The following HECTD4 variants were observed in gnomAD, a reference collection of about 807,000 sequenced individuals.
The protein encoded by HECTD4 is HECT domain E3 ubiquitin protein ligase 4.
A neutral mutation model predicts 471.5 loss-of-function variants in HECTD4; 114 were observed. The observed-to-expected ratio is 0.24, with a 90% CI of 0.21 to 0.28. The LOEUF is 0.28. HECTD4 is among the 10% of genes least tolerant of loss of function. The pLI is 1.00. For missense variants in HECTD4, 3,866 were observed against 5,651.5 expected, an observed-to-expected ratio of 0.68 and a Z score of 10.13; for synonymous variants, 2,012 against 2,256.0, an observed-to-expected ratio of 0.89 and a Z score of 3.07.
chr12:112,376,716 C>A (rs1174895990), intron 1 of HECTD4, among the ~76,000 whole-genome samples: 4 of 152,168 alleles, frequency 2.6e-5, no homozygotes, highest in Non-Finnish European at 5.9e-5. Flanking sequence ...CTCTTGCTGT[C>A]GTCTCTGTAT....
Position 112,382,315 on chromosome 12 carries a change from A to T in HECTD4, c.-187T>A. 1 of 444,102 alleles carries T rather than the reference A, an allele frequency of 2.3e-6. No individual in the cohort carries two copies. Among genetic ancestry groups the T allele is most frequent in the Non-Finnish European group, 3.5e-6 (1 of 288,046 alleles). The allele number at this position is 444,102 out of a possible 1,614,324, so 27.5% of individuals were successfully genotyped here. ...GCCATACCCCCGACCCCGGCCCGGG[A>T]GACCCCGGCCCTGCCGCCGCCGCCG... On this transcript the variant is annotated 5_prime_UTR_variant, in exon 1 of 76. Coordinates refer to ENST00000682272, the MANE Select transcript of HECTD4 (RefSeq NM_001388303.1).
rs2033678658 is a variant in HECTD4 at position 112,243,062 on chromosome 12, CA to C, written c.4958+290del. ...AATTAAGTTGAAAAAAATTTACACA[CA>C]AACACAGTTATGTGTACAAAAAGAA... On this transcript the variant is annotated intron_variant, in intron 32 of 75. Transcript: ENST00000682272. This position sits in a 1 kb window ranked among gnomAD's most constrained non-coding sequence, Gnocchi z 6.6. 6.6e-6 allele frequency among the ~76,000 whole-genome samples: 1 copy of C among 152,144 alleles called. No individual in the cohort carries two copies. The highest frequency in any genetic ancestry group is 2.4e-5 in the African/African-American group (1 of 41,426).
Position 112,208,507 on chromosome 12 carries a change from T to C in HECTD4, c.7991A>G (p.Asp2664Gly). 1 of 1,594,082 alleles carries C rather than the reference T, an allele frequency of 6.3e-7. No homozygotes were observed. ...ADDESDDDDD[D>G]DIPQEDHYAL... ...TGGGTCTCTTACCTGAGGGATGTCA[T>C]CATCGTCATCATCATCGCTTTCATC... Residue 2664 changes from aspartate to glycine, a missense_variant, in exon 51 of 76, where the codon GAT becomes GGT. Around this residue, in one of 16 missense-constraint regions of HECTD4, gnomAD observed 266 missense variants for 441.6 expected, o/e 0.60. Coordinates refer to ENST00000682272, the MANE Select transcript of HECTD4 (RefSeq NM_001388303.1).
chr12:112,207,323 A>G (rs1801474725), intron 52 of HECTD4, among the ~76,000 whole-genome samples: 1 of 152,128 alleles, frequency 6.6e-6, no homozygotes, highest in Admixed American at 6.6e-5. Context: ...TTGCATTTTT[A>G]GTAGAGATGG....
At chr12:112,321,407 C>T (rs1008340143) in intron 1 of HECTD4, among the ~76,000 whole-genome samples, 11 of 152,112 alleles carry the variant, frequency 7.2e-5, no homozygotes, top group African/African-American at 2.7e-4. Flanking sequence ...AGATCAAAAC[C>T]AACAGACTAC....
At chr12:112,352,653 C>A (rs2036267066) in intron 1 of HECTD4, among the ~76,000 whole-genome samples, 1 of 151,882 alleles carries the variant, frequency 6.6e-6, no homozygotes, top group South Asian at 2.1e-4. Flanking sequence ...GTTGCCCAGG[C>A]TGAAGTACGG....
chr12:112,346,129 G>A (rs959686546), intron 1 of HECTD4, among the ~76,000 whole-genome samples: 1 of 152,168 alleles, frequency 6.6e-6, no homozygotes, highest in Admixed American at 6.5e-5. Context: ...GAAAACTGCG[G>A]GTTTAGAAGG....
At chr12:112,273,570 G>A (rs1384303224) in intron 11 of HECTD4, 85 bp downstream of exon 11, 10 of 1,282,688 alleles carry the variant, frequency 7.8e-6, no homozygotes, top group Non-Finnish European at 1.0e-5. Context: ...CTGGGGTTGG[G>A]CTATGTTTTC....
In HECTD4 at chr12:112,192,606, C is replaced by T. The variant is rs1429154682; in HGVS notation, c.9246G>A (p.Gln3082=). 1.2e-6 allele frequency: 2 copies of T among 1,607,898 alleles called. No individual in the cohort carries two copies. The highest frequency in any genetic ancestry group is 8.5e-7 in the Non-Finnish European group (1 of 1,177,338). Residue 3082 remains glutamine, a synonymous_variant, in exon 59 of 76, where the codon CAG becomes CAA. Transcript: ENST00000682272. ...CTGTGGAGAGGACCACAGAGGGGTA[C>T]TGGTCAGCGGTGGGGGGAGGTGCAA... ...TGLAPPPTAD[Q]YPSVVLSTDR... is the part of the protein sequence containing the mutation.
chr12:112,208,698 C>T, intron 50 of HECTD4, 68 bp from the exon 51 acceptor site: 3 of 1,401,030 alleles, frequency 2.1e-6, no homozygotes, highest in Non-Finnish European at 2.8e-6. Flanking sequence ...AACTTCTCAC[C>T]CTTAGACAAA....
At chr12:112,295,047 C>T (rs986097653) in intron 7 of HECTD4, among the ~76,000 whole-genome samples, 2 of 151,720 alleles carry the variant, frequency 1.3e-5, no homozygotes, top group Non-Finnish European at 2.9e-5. Context: ...CTCATATCTA[C>T]AACCACAGCA....
At chr12:112,290,268 C>T (rs1207078241) in intron 7 of HECTD4, among the ~76,000 whole-genome samples, 1 of 151,494 alleles carries the variant, frequency 6.6e-6, no homozygotes, top group Admixed American at 6.6e-5. Flanking sequence ...TACAGTAAGC[C>T]GTGATCATAC....
intron 1 of HECTD4, among the ~76,000 whole-genome samples, chr12:112,331,441 A>T (rs2035843187): frequency 6.6e-6 from 1 of 152,110 alleles, no homozygotes. Flanking sequence ...GAGTTGGGGG[A>T]ACTAGGTTCT....
intron 65 of HECTD4, 123 bp downstream of exon 65, chr12:112,176,473 A>G (rs920762556): frequency 4.4e-6 from 3 of 685,528 alleles, no homozygotes; most frequent in Non-Finnish European, 7.9e-6. Flanking sequence ...CAGAGCCCAG[A>G]GCAGAGGCCA....
chr12:112,168,927 C>T (rs535599380), intron 70 of HECTD4, among the ~76,000 whole-genome samples: 144 of 152,316 alleles, frequency 9.5e-4, no homozygotes, highest in Non-Finnish European at 7.4e-4. Flanking sequence ...GAGGCAGCTG[C>T]GTTCCCGTGG....
At chr12:112,167,211 T>G in intron 72 of HECTD4, 106 bp downstream of exon 72, 3 of 1,024,998 alleles carry the variant, frequency 2.9e-6, no homozygotes, top group Non-Finnish European at 4.3e-6. Context: ...CTCTGTGGGA[T>G]CCCAACCCAG....
chr12:112,289,234 A>AGGTGT, intron 7 of HECTD4, among the ~76,000 whole-genome samples: 1 of 152,110 alleles, frequency 6.6e-6, no homozygotes, highest in Non-Finnish European at 1.5e-5. Context: ...TTACTAGCTG[A>AGGTGT]GACTACAGGT....
rs369889375 is a variant in HECTD4 at position 112,169,662 on chromosome 12, G to C, written c.12053-4C>G. 125 of 1,612,802 alleles carry C rather than the reference G, an allele frequency of 7.8e-5. No homozygotes were observed. In the African/African-American group the frequency reaches 1.5e-3, roughly 19 times the overall value. The stretch of plus-strand genomic sequence containing the variant: ...TTTTCAGAAGCTCTGATTTCCCCTG[G>C]AAAGTGAGATGAGCTGATCAAAGCA... On this transcript the variant is annotated splice_polypyrimidine_tract_variant and splice_region_variant and intron_variant, in intron 69 of 75. Coordinates refer to ENST00000682272, the MANE Select transcript of HECTD4 (RefSeq NM_001388303.1).
intron 66 of HECTD4, among the ~76,000 whole-genome samples, chr12:112,175,167 C>G (rs1479911026): frequency 6.6e-6 from 1 of 152,094 alleles, no homozygotes; most frequent in Non-Finnish European, 1.5e-5. Context: ...TCCCAGTCCC[C>G]GAACAGATAC....
Sources: allele counts gnomAD v4.1 joint callset (sites outside exome capture counted in the v4.1 genomes callset), GRCh38; gene constraint gnomAD v4.1.1; regional missense constraint gnomAD v4.1.1; non-coding constraint Gnocchi (gnomAD v3.1); transcripts MANE v1.5; gene names NCBI Gene and HGNC (gene_info 2026-07-23, HGNC 2026-07-21).